The following HEPHL1 variants were observed in gnomAD, a reference collection of about 807,000 sequenced individuals.
The protein encoded by HEPHL1 is ferroxidase HEPHL1.
Under a neutral mutation model 122.0 loss-of-function variants are expected in HEPHL1, and 123 were observed. The ratio of observed to expected loss-of-function variants is 1.01; its 90% CI spans 0.87 to 1.17. HEPHL1 has a LOEUF of 1.17. Ranked by LOEUF, HEPHL1 falls within the 50% of genes most tolerant of loss-of-function variation. The pLI is 0.00. For synonymous variants in HEPHL1, 527 were observed against 508.9 expected (o/e 1.04, Z -0.48); for missense variants, 1,452 against 1,430.5 (o/e 1.01, Z -0.24).
chr11:94,062,156 T>G (rs1487262729), intron 2 of HEPHL1, among the ~76,000 whole-genome samples: 1 of 152,206 alleles, frequency 6.6e-6, no homozygotes, highest in African/African-American at 2.4e-5. Context: ...GAAAATAGTT[T>G]GTACATTATA....
chr11:94,084,369 TAAATAA>T (rs1946199229), intron 10 of HEPHL1, among the ~76,000 whole-genome samples: 1 of 150,822 alleles, frequency 6.6e-6, no homozygotes, highest in African/African-American at 2.4e-5. Context: ...AATAAATAAA[TAAATAA>T]ATATATAAAT....
intron 1 of HEPHL1, among the ~76,000 whole-genome samples, chr11:94,037,046 G>A (rs1450938208): frequency 1.3e-5 from 2 of 152,216 alleles, no homozygotes; most frequent in Admixed American, 6.5e-5. Flanking sequence ...GCAAGGCATT[G>A]CCTCACCTGG....
intron 2 of HEPHL1, among the ~76,000 whole-genome samples, chr11:94,049,083 T>C (rs1444728789): frequency 6.6e-6 from 1 of 151,872 alleles, no homozygotes; most frequent in Non-Finnish European, 1.5e-5. Context: ...ATCATGCCAT[T>C]GCACTCCAGC....
chr11:94,035,958 G>C (rs1054111801), intron 1 of HEPHL1, among the ~76,000 whole-genome samples: 2 of 152,094 alleles, frequency 1.3e-5, no homozygotes, highest in African/African-American at 4.8e-5. Flanking sequence ...GGATGGTCTC[G>C]ATCTCCTGAC....
chr11:94,093,256 G>A (rs78175675), intron 12 of HEPHL1, among the ~76,000 whole-genome samples: 3,813 of 152,106 alleles, frequency 0.025, 168 homozygotes, highest in African/African-American at 0.087. Context: ...GATTACAACC[G>A]TGATTTCCAA....
At chr11:94,053,603 C>T (rs1014554280) in intron 2 of HEPHL1, among the ~76,000 whole-genome samples, 4 of 151,858 alleles carry the variant, frequency 2.6e-5, no homozygotes, top group African/African-American at 9.7e-5. Context: ...ATCTAAATTT[C>T]CTTTTTAAGC....
At chr11:94,029,563 A>T (rs1308237780) in intron 1 of HEPHL1, among the ~76,000 whole-genome samples, 1 of 152,244 alleles carries the variant, frequency 6.6e-6, no homozygotes, top group Non-Finnish European at 1.5e-5. Flanking sequence ...AGAAAGTCTG[A>T]TTCCATTGCC....
intron 13 of HEPHL1, among the ~76,000 whole-genome samples, chr11:94,099,213 G>C (rs1946346906): frequency 6.6e-6 from 1 of 152,216 alleles, no homozygotes; most frequent in Admixed American, 6.5e-5. Flanking sequence ...CTCTCTGTTT[G>C]TTAGTTTTCC....
rs533264923 is a variant in HEPHL1, at chr11:94,060,808, C to A, written c.416-2700C>A. ...CCTTCATCCCAACACTGATGGGAAG[C>A]AATGAAATGATTTTAAACAGGGAAC... is the stretch of plus-strand genomic sequence containing the variant. On this transcript the variant is annotated intron_variant, in intron 2 of 19. Transcript: ENST00000315765. Among the ~76,000 whole-genome samples, 8 of 152,090 alleles carry A rather than the reference C, an allele frequency of 5.3e-5. No homozygotes were observed. In the East Asian group the frequency reaches 1.5e-3, roughly 29 times the overall value.
intron 8 of HEPHL1, 136 bp downstream of exon 8, chr11:94,073,575 C>A: frequency 1.3e-6 from 1 of 798,282 alleles, no homozygotes; most frequent in Non-Finnish European, 2.0e-6. Context: ...ACTTTCTGAA[C>A]CTGATTCTCT....
intron 8 of HEPHL1, 59 bp from the exon 9 acceptor site, chr11:94,075,115 C>T (rs1368819376): frequency 6.8e-7 from 1 of 1,460,978 alleles, no homozygotes; most frequent in East Asian, 2.4e-5. Flanking sequence ...AAGACCCAGT[C>T]TGACCAATGT....
chr11:94,109,270 G>T (rs1946430832), intron 17 of HEPHL1, among the ~76,000 whole-genome samples: 3 of 152,064 alleles, frequency 2.0e-5, no homozygotes, highest in African/African-American at 7.2e-5. Flanking sequence ...GATTTTAGGG[G>T]GATTTTCTAT....
rs761512776 is a variant in HEPHL1, at chr11:94,093,577, A to T, written c.2371A>T (p.Thr791Ser). 6.2e-7 allele frequency: 1 copy of T among 1,613,800 alleles called. No individual in the cohort carries two copies. The highest frequency in any genetic ancestry group is 8.5e-7 in the Non-Finnish European group (1 of 1,179,836). Reference sequence around the variant, plus strand: ...CAAGAAGGTGGTTTACAGGGAATATACGGATGGAGAATTTGTGGAGATCAA... The same window carrying T: ...CAAGAAGGTGGTTTACAGGGAATATTCGGATGGAGAATTTGTGGAGATCAA... ...QYKKVVYREY[T>S]DGEFVEIKAR... The change falls in exon 13 of 20, where the codon ACG becomes TCG. Residue 791 changes from threonine to serine, a missense_variant. By Grantham distance (58) the Thr-to-Ser change is moderately conservative. Coordinates refer to ENST00000315765, the MANE Select transcript of HEPHL1 (RefSeq NM_001098672.2).
At chr11:94,111,103 G>A (rs374424767) in intron 18 of HEPHL1, 38 bp downstream of exon 18, 18 of 1,522,136 alleles carry the variant, frequency 1.2e-5, no homozygotes, top group South Asian at 2.5e-5. Flanking sequence ...TGATGGCACC[G>A]AGCTTCCTGT....
intron 7 of HEPHL1, 56 bp downstream of exon 7, chr11:94,073,220 T>G: frequency 6.2e-7 from 1 of 1,608,730 alleles, no homozygotes; most frequent in Non-Finnish European, 8.5e-7. Flanking sequence ...TAGCTGGGCA[T>G]GTACATCTGC....
chr11:94,108,508 T>G (rs1473440164), intron 17 of HEPHL1, among the ~76,000 whole-genome samples: 1 of 152,130 alleles, frequency 6.6e-6, no homozygotes, highest in Non-Finnish European at 1.5e-5. Context: ...AAAAAAGGTC[T>G]CTGTTTTCTT....
In HEPHL1 at chr11:94,107,190, C is replaced by T. The variant is rs545627893; in HGVS notation, c.3045+1060C>T. Among the ~76,000 whole-genome samples, 9 of 152,266 alleles carry T rather than the reference C, an allele frequency of 5.9e-5. No homozygotes were observed. The South Asian group carries it at 1.0e-3, about 18-fold the overall frequency. On this transcript the variant is annotated intron_variant, in intron 17 of 19. Coordinates refer to ENST00000315765, the MANE Select transcript of HEPHL1 (RefSeq NM_001098672.2). ...TCTTTTCTAGTTAGACACGAATAAA[C>T]GGTAACTTTAATAAAACATTTAATA...
chr11:94,085,826 G>T, intron 10 of HEPHL1, 151 bp from the exon 11 acceptor site: 19 of 580,188 alleles, frequency 3.3e-5, no homozygotes, highest in South Asian at 1.2e-4. Flanking sequence ...GTTAATTTTG[G>T]TCTCCATTTT....
chr11:94,068,626 G>C (rs1324073414), intron 5 of HEPHL1, among the ~76,000 whole-genome samples: 1 of 152,120 alleles, frequency 6.6e-6, no homozygotes, highest in East Asian at 1.9e-4. Context: ...GTGGGGCTGT[G>C]TGATCCTTAG....
Sources: gnomAD v4.1 joint callset for allele counts (sites outside exome capture counted in the v4.1 genomes callset) on GRCh38, gnomAD v4.1.1 for gene constraint, MANE v1.5 for transcripts, NCBI Gene and HGNC (gene_info 2026-07-23, HGNC 2026-07-21) for gene names.